The following CCSER1 variants were observed in gnomAD, a reference collection of about 807,000 sequenced individuals.
The protein encoded by CCSER1 is coiled-coil serine rich protein 1.
CCSER1 carries 41 observed loss-of-function variants against 82.0 expected under a neutral mutation model. That is an observed-to-expected ratio of 0.50 (90% CI 0.39 to 0.65). The LOEUF is 0.65. Among genes scored for constraint, CCSER1 ranks in the 30% least tolerant of loss-of-function variants. The probability of loss-of-function intolerance (pLI) is 0.00; values close to 1 mark genes in which losing one functional copy is unlikely to be tolerated. For synonymous variants in CCSER1, 414 were observed against 383.9 expected (o/e 1.08, Z -0.92); for missense variants, 1,119 against 1,064.2 (o/e 1.05, Z -0.72).
At chr4:91,171,668 G>A (rs1732770348) in intron 10 of CCSER1, among the ~76,000 whole-genome samples, 3 of 152,018 alleles carry the variant, frequency 2.0e-5, no homozygotes. Context: ...CTAGGAATAT[G>A]ACACTTCTCT....
intron 10 of CCSER1, among the ~76,000 whole-genome samples, chr4:91,217,927 G>A (rs1468362899): frequency 6.6e-6 from 1 of 152,234 alleles, no homozygotes; most frequent in African/African-American, 2.4e-5. Context: ...CCCGCACCGG[G>A]GCTGCAGGTG....
At chr4:91,454,178 C>T (rs375935338) in intron 10 of CCSER1, among the ~76,000 whole-genome samples, 3 of 152,148 alleles carry the variant, frequency 2.0e-5, no homozygotes, top group East Asian at 1.9e-4. Flanking sequence ...AAACAATACA[C>T]GTTTATTCTC....
intron 10 of CCSER1, among the ~76,000 whole-genome samples, chr4:91,160,769 T>C (rs1023993211): frequency 1.3e-5 from 2 of 152,142 alleles, no homozygotes; most frequent in Non-Finnish European, 2.9e-5. Context: ...TTTTTGTAAA[T>C]TTGTTTAAGT....
intron 1 of CCSER1, among the ~76,000 whole-genome samples, chr4:90,286,701 A>T (rs911490972): frequency 6.6e-6 from 1 of 152,004 alleles, no homozygotes; most frequent in Non-Finnish European, 1.5e-5. Context: ...TACACTTAAC[A>T]TTCTATATTT....
intron 10 of CCSER1, among the ~76,000 whole-genome samples, chr4:91,151,948 C>T (rs1037981938): frequency 1.3e-5 from 2 of 152,166 alleles, no homozygotes; most frequent in Non-Finnish European, 2.9e-5. Context: ...AATGTATATT[C>T]TGTTGATTTG....
At chr4:90,741,658 C>T (rs907233262) in intron 7 of CCSER1, among the ~76,000 whole-genome samples, 1 of 152,130 alleles carries the variant, frequency 6.6e-6, no homozygotes, top group South Asian at 2.1e-4. Context: ...CTCCATTATA[C>T]TCATTTTTAT....
At chr4:91,252,737 A>G (rs922291578) in intron 10 of CCSER1, among the ~76,000 whole-genome samples, 7 of 152,182 alleles carry the variant, frequency 4.6e-5, no homozygotes, top group African/African-American at 1.7e-4. Context: ...TTTAGCTAGA[A>G]TAAATTCAAA....
intron 1 of CCSER1, among the ~76,000 whole-genome samples, chr4:90,301,210 A>G (rs1188284025): frequency 6.6e-6 from 1 of 152,170 alleles, no homozygotes; most frequent in Non-Finnish European, 1.5e-5. Context: ...CATATTAATG[A>G]TCCATATCCA....
At chr4:90,498,852 T>C (rs1156633686) in intron 5 of CCSER1, among the ~76,000 whole-genome samples, 1 of 152,154 alleles carries the variant, frequency 6.6e-6, no homozygotes, top group Non-Finnish European at 1.5e-5. Flanking sequence ...ACAGGTATTA[T>C]AGAGAAGTGC....
intron 7 of CCSER1, among the ~76,000 whole-genome samples, chr4:90,795,565 CT>C (rs1314708133): frequency 6.6e-6 from 1 of 152,158 alleles, no homozygotes; most frequent in Non-Finnish European, 1.5e-5. Context: ...GCATCCTTGT[CT>C]TTTGCTGGTT....
intron 4 of CCSER1, among the ~76,000 whole-genome samples, chr4:90,453,272 G>C (rs2153579429): frequency 6.6e-6 from 1 of 152,250 alleles, no homozygotes; most frequent in South Asian, 2.1e-4. Context: ...ATTTCAGTTA[G>C]CAGGTTATAG....
At chr4:90,407,779 CAGTG>C (rs1284771208) in intron 4 of CCSER1, among the ~76,000 whole-genome samples, 1 of 152,022 alleles carries the variant, frequency 6.6e-6, no homozygotes, top group Non-Finnish European at 1.5e-5. Flanking sequence ...GAGTGCTGGA[CAGTG>C]GGTGCAGGAC....
At chr4:91,141,326 A>G (rs1478461003) in intron 10 of CCSER1, among the ~76,000 whole-genome samples, 4 of 151,900 alleles carry the variant, frequency 2.6e-5, no homozygotes, top group Non-Finnish European at 4.4e-5. Flanking sequence ...TAATTTTTGT[A>G]TTTTTAATAG....
intron 8 of CCSER1, among the ~76,000 whole-genome samples, chr4:90,828,142 A>C (rs1459941989): frequency 6.6e-6 from 1 of 152,150 alleles, no homozygotes; most frequent in Non-Finnish European, 1.5e-5. Context: ...AGCTGTCTTT[A>C]GCCAGATAAG....
intron 5 of CCSER1, among the ~76,000 whole-genome samples, chr4:90,611,938 C>T (rs1439339067): frequency 6.6e-6 from 1 of 151,442 alleles, no homozygotes; most frequent in African/African-American, 2.4e-5. Context: ...TAGAAACTTT[C>T]TCACAGATAT....
At chr4:90,895,402 G>A (rs954515415) in intron 8 of CCSER1, among the ~76,000 whole-genome samples, 3 of 151,828 alleles carry the variant, frequency 2.0e-5, no homozygotes, top group Non-Finnish European at 4.4e-5. Flanking sequence ...ATTAACTTCT[G>A]TATTAAAATT....
rs1487109739 is a variant in CCSER1, at chr4:90,933,157, G to A, written c.2172+9710G>A. On this transcript the variant is annotated intron_variant, in intron 9 of 10. Transcript: ENST00000509176. ...AGTGTGTGTGTGTGTGTGTGTGTGT[G>A]TGTGTGTGTGTGTGTGTGTGTGTGT... 1.4e-4 allele frequency among the ~76,000 whole-genome samples: 17 copies of A among 118,970 alleles called. 1 individual carries two copies. Among genetic ancestry groups the A allele is most frequent in the African/African-American group, 6.0e-4 (16 of 26,454 alleles). 78.0% of individuals were successfully genotyped at this position (118,970 alleles called of 152,430 possible).
At position 90,483,916 on chromosome 4, in the gene CCSER1, G is replaced by T. The variant is rs555926009; in HGVS notation, c.1724+15562G>T. The stretch of plus-strand genomic sequence containing the variant: ...CTGTATTCACTGAATGTGAATGTTG[G>T]CCTGCCTTGCTAGATTGGGGAAGTT... On this transcript the variant is annotated intron_variant, in intron 5 of 10. Coordinates refer to ENST00000509176, the MANE Select transcript of CCSER1 (RefSeq NM_001145065.2). 2.0e-5 allele frequency among the ~76,000 whole-genome samples: 3 copies of T among 152,212 alleles called. No homozygotes were observed. The South Asian group carries it at 6.2e-4, about 32-fold the overall frequency.
At chr4:90,267,342 T>TAGATTCCTAAGGTTTCTGACTATA (rs1459081173) in intron 1 of CCSER1, among the ~76,000 whole-genome samples, 1 of 151,942 alleles carries the variant, frequency 6.6e-6, no homozygotes, top group Non-Finnish European at 1.5e-5. Context: ...GAGAACTAGG[T>TAGATTCCTAAGGTTTCTGACTATA]AGATTCCTAA....
Sources: gnomAD v4.1 joint callset for allele counts (sites outside exome capture counted in the v4.1 genomes callset) on GRCh38, gnomAD v4.1.1 for gene constraint, MANE v1.5 for transcripts, NCBI Gene and HGNC (gene_info 2026-07-23, HGNC 2026-07-21) for gene names.